KCNIP4: variants seen among roughly 807,000 people sequenced by gnomAD.
KCNIP4 encodes Kv channel-interacting protein 4.
In KCNIP4, 12 loss-of-function variants were observed where a neutral mutation model predicts 34.0. The ratio of observed to expected loss-of-function variants is 0.35; its 90% confidence interval spans 0.23 to 0.57. The LOEUF (loss-of-function observed/expected upper bound fraction) is 0.57, where lower values mean the gene tolerates loss of function less well. KCNIP4 is among the 20% of genes least tolerant of loss of function. The pLI, the probability that KCNIP4 is intolerant of heterozygous loss-of-function variation, is 0.83. For missense variants in KCNIP4, 238 were observed against 311.7 expected (o/e 0.76, Z 1.78); for synonymous variants, 124 against 102.2 (o/e 1.21, Z -1.29).
At chr4:21,249,012 A>T (rs1159239361) in intron 1 of KCNIP4, among the ~76,000 whole-genome samples, 1 of 152,222 alleles carries the variant, frequency 6.6e-6, no homozygotes, top group African/African-American at 2.4e-5. Flanking sequence ...TCTACAAAAC[A>T]GTGAACAATC....
rs1299049028 is a variant in KCNIP4, at chr4:20,737,490, A to G, written c.430-2755T>C. On this transcript the variant is annotated intron_variant, in intron 5 of 8. Transcript: ENST00000382152. ...TGAGAAGGTGGGGAGGATCCAGAAC[A>G]TGGGTAGATGGGCCGATCTGAGAAG... Among the ~76,000 whole-genome samples, 4 of 152,108 alleles carry G rather than the reference A, an allele frequency of 2.6e-5. No individual in the cohort carries two copies. In the East Asian group the frequency reaches 7.7e-4, roughly 29 times the overall value.
intron 1 of KCNIP4, among the ~76,000 whole-genome samples, chr4:21,487,930 G>T (rs748486108): frequency 6.6e-6 from 1 of 151,940 alleles, no homozygotes; most frequent in Non-Finnish European, 1.5e-5. Context: ...ACTTGCTTAT[G>T]TTCTGCCCTA....
At chr4:21,394,498 G>A (rs762947570) in intron 1 of KCNIP4, among the ~76,000 whole-genome samples, 2 of 152,078 alleles carry the variant, frequency 1.3e-5, no homozygotes, top group Non-Finnish European at 2.9e-5. Context: ...TTTTCACTGG[G>A]ATTACTCATA....
chr4:21,099,661 A>T (rs1747769685), intron 1 of KCNIP4, among the ~76,000 whole-genome samples: 1 of 152,216 alleles, frequency 6.6e-6, no homozygotes, highest in Admixed American at 6.5e-5. Flanking sequence ...TAAATTTCTT[A>T]ATGTTATAGC....
chr4:21,075,224 T>G (rs561782088), intron 1 of KCNIP4, among the ~76,000 whole-genome samples: 6 of 152,314 alleles, frequency 3.9e-5, no homozygotes, highest in Non-Finnish European at 7.3e-5. Context: ...ATCTGTCTAA[T>G]GTTGACAGTG....
intron 1 of KCNIP4, chr4:20,916,326 T>TTCTAAATAGTTATGG: frequency 1.0e-6 from 1 of 985,402 alleles, no homozygotes; most frequent in African/African-American, 1.7e-5. Flanking sequence ...TGTTTACCTC[T>TTCTAAATAGTTATGG]TTGCAGTTGT....
At chr4:21,584,970 C>A (rs1741502097) in intron 1 of KCNIP4, among the ~76,000 whole-genome samples, 1 of 151,542 alleles carries the variant, frequency 6.6e-6, no homozygotes, top group African/African-American at 2.4e-5. Context: ...TAGGAAAAAA[C>A]TGAGGTGGAG....
At chr4:21,480,388 C>G (rs1731323530) in intron 1 of KCNIP4, among the ~76,000 whole-genome samples, 1 of 151,994 alleles carries the variant, frequency 6.6e-6, no homozygotes, top group Admixed American at 6.6e-5. Context: ...TGTCAATAGA[C>G]AAACAGAACA....
At position 21,400,506 on chromosome 4, in the gene KCNIP4, TCCCTTC is replaced by T. The variant is rs1275109551; in HGVS notation, c.62-517803_62-517798del. On this transcript the variant is annotated intron_variant, in intron 1 of 8. Transcript: ENST00000382152. The stretch of plus-strand genomic sequence containing the variant: ...TCCTCTCCTCTCCCCTCCCTTCCCC[TCCCTTC>T]CTCTTCTCTTCTCTTCTCTTCTCTT... Among the ~76,000 whole-genome samples the T allele has an allele frequency of 1.7e-3, 240 of 142,234 alleles. 5 individuals carry two copies. Among genetic ancestry groups the T allele is most frequent in the African/African-American group, 6.3e-3 (228 of 36,464 alleles). 93.3% of individuals were successfully genotyped at this position (142,234 alleles called of 152,430 possible). A position where few individuals can be genotyped will look rare whatever the true frequency, so the allele number is the denominator to read the frequency against.
chr4:21,147,045 G>A (rs544524402), intron 1 of KCNIP4, among the ~76,000 whole-genome samples: 38 of 152,092 alleles, frequency 2.5e-4, no homozygotes, highest in East Asian at 5.8e-4. Flanking sequence ...TTTGCTCTCC[G>A]TCCTGGGAGG....
At chr4:21,049,340 A>G (rs1323808200) in intron 1 of KCNIP4, among the ~76,000 whole-genome samples, 1 of 152,170 alleles carries the variant, frequency 6.6e-6, no homozygotes, top group Non-Finnish European at 1.5e-5. Context: ...ACAGAATAAT[A>G]TATAACAATA....
intron 1 of KCNIP4, among the ~76,000 whole-genome samples, chr4:21,447,621 T>C (rs1050847256): frequency 6.6e-6 from 1 of 152,196 alleles, no homozygotes; most frequent in African/African-American, 2.4e-5. Context: ...ATGATAAAGT[T>C]TAATTTATAA....
intron 1 of KCNIP4, among the ~76,000 whole-genome samples, chr4:21,099,078 G>A (rs1421285732): frequency 6.6e-6 from 1 of 152,148 alleles, no homozygotes; most frequent in Non-Finnish European, 1.5e-5. Flanking sequence ...CAAAGATCTA[G>A]ACGCAGAAAT....
At chr4:20,743,112 A>G (rs1204170902) in intron 5 of KCNIP4, among the ~76,000 whole-genome samples, 1 of 151,784 alleles carries the variant, frequency 6.6e-6, no homozygotes, top group Non-Finnish European at 1.5e-5. Flanking sequence ...TCAATGAAAT[A>G]AAAGAGGACA....
chr4:21,266,059 A>T (rs984962192), intron 1 of KCNIP4, among the ~76,000 whole-genome samples: 1 of 152,196 alleles, frequency 6.6e-6, no homozygotes, highest in Admixed American at 6.5e-5. Flanking sequence ...AGTCCCATTT[A>T]ACAGATGAAA....
intron 1 of KCNIP4, chr4:20,984,046 C>T: frequency 6.9e-7 from 1 of 1,446,906 alleles, no homozygotes; most frequent in African/African-American, 1.4e-5. Flanking sequence ...GTGAGCAGCT[C>T]CTGGCAGATG....
At chr4:20,835,428 T>C (rs1345829027) in intron 3 of KCNIP4, among the ~76,000 whole-genome samples, 2 of 152,062 alleles carry the variant, frequency 1.3e-5, no homozygotes, top group Non-Finnish European at 2.9e-5. Context: ...ACTTAACAAT[T>C]CCTTGCCCAT....
chr4:21,382,699 T>G (rs1328682013), intron 1 of KCNIP4, among the ~76,000 whole-genome samples: 1 of 152,202 alleles, frequency 6.6e-6, no homozygotes, highest in Non-Finnish European at 1.5e-5. Context: ...TTAATTGTTT[T>G]ATCTACTGCA....
chr4:21,586,774 T>A (rs1303880244), intron 1 of KCNIP4, among the ~76,000 whole-genome samples: 2 of 152,028 alleles, frequency 1.3e-5, no homozygotes, highest in African/African-American at 2.4e-5. Context: ...GTTCTCCTGA[T>A]ACTAAAATAA....
Sources: allele counts gnomAD v4.1 joint callset (sites outside exome capture counted in the v4.1 genomes callset), GRCh38; gene constraint gnomAD v4.1.1; transcripts MANE v1.5; gene names NCBI Gene and HGNC (gene_info 2026-07-23, HGNC 2026-07-21).